GNE: variants seen among roughly 807,000 people sequenced by gnomAD.
GNE encodes bifunctional UDP-N-acetylglucosamine 2-epimerase/N-acetylmannosamine kinase.
In GNE, 41 loss-of-function variants were observed where a neutral mutation model predicts 61.8. The observed-to-expected ratio is 0.66, with a 90% confidence interval of 0.52 to 0.86. The LOEUF (loss-of-function observed/expected upper bound fraction) is 0.86. Ranked by LOEUF, GNE falls within the 40% of genes least tolerant of loss-of-function variation. The probability of loss-of-function intolerance (pLI) is 0.00; values close to 1 mark genes in which losing one functional copy is unlikely to be tolerated. For missense variants in GNE, 608 were observed against 909.1 expected (o/e 0.67, Z 4.26); for synonymous variants, 264 against 326.4 (o/e 0.81, Z 2.06).
intron 1 of GNE, among the ~76,000 whole-genome samples, chr9:36,257,128 C>T (rs1272265119): frequency 6.6e-6 from 1 of 151,988 alleles, no homozygotes; most frequent in Non-Finnish European, 1.5e-5. Context: ...TACTTGAACC[C>T]AAGTTCATCA....
rs775830088 is a variant in GNE, at chr9:36,276,883, G to A, written c.51+11C>T. The A allele has an allele frequency of 1.7e-5, 27 of 1,596,034 alleles. No homozygotes were observed. Among genetic ancestry groups the A allele is most frequent in the East Asian group, 4.5e-5 (2 of 44,208 alleles). On this transcript the variant is annotated intron_variant, in intron 1 of 11. Coordinates refer to the GNE transcript ENST00000396594. The stretch of plus-strand genomic sequence containing the variant: ...CAATAATAAAGCTCTATTGAATTCC[G>A]AATTACTTACATGAGGTCCTTGAAA...
rs1183639077 is a variant in GNE at position 36,246,240 on chromosome 9, C to T, written c.407G>A (p.Gly136Glu). ...MNIRILHIEGGEVSGTIDDSI... is the reference protein window; with the variant it reads ...MNIRILHIEGEEVSGTIDDSI... ...GTCATCAATGGTCCCACTGACTTCCCCACCTTCAATGTGAAGGATTCGGAT... is the reference window on the plus strand; with the variant it reads ...GTCATCAATGGTCCCACTGACTTCCTCACCTTCAATGTGAAGGATTCGGAT... The change falls in exon 3 of 12, where the codon GGG (glycine) becomes GAG (glutamate). Residue 136 changes from glycine to glutamate, a missense_variant. Coordinates refer to ENST00000642385, the MANE Select transcript of GNE (RefSeq NM_005476.7). The T allele has an allele frequency of 6.2e-7, 1 of 1,614,132 alleles. No homozygotes were observed. The highest frequency in any genetic ancestry group is 1.1e-5 in the South Asian group (1 of 91,080).
rs577296238 is a variant in GNE, at chr9:36,218,497, C to T, written c.1817-198G>A. Among the ~76,000 whole-genome samples the T allele has an allele frequency of 6.6e-6, 1 of 152,332 alleles. No individual in the cohort carries two copies. The highest frequency in any genetic ancestry group is 2.1e-4 in the South Asian group (1 of 4,830). On this transcript the variant is annotated intron_variant, in intron 10 of 11. Coordinates refer to ENST00000642385, the MANE Select transcript of GNE (RefSeq NM_005476.7). The surrounding 1 kb of genome is among the most constrained non-coding windows in gnomAD (Gnocchi z 4.1). ...CCTCTTGCTAATTGGTTGTACATAA[C>T]CCAGAACCTATCTTCCTGGAAAAAC...
intron 5 of GNE, among the ~76,000 whole-genome samples, chr9:36,230,738 C>G (rs192283172): frequency 6.6e-6 from 1 of 151,120 alleles, no homozygotes; most frequent in African/African-American, 2.4e-5. Context: ...TGGCTCACTG[C>G]AAGTTCCGCC....
At position 36,267,363 on chromosome 9, in the gene GNE, C is replaced by G. The variant is rs147400874; in HGVS notation, c.51+9531G>C. On this transcript the variant is annotated intron_variant, in intron 1 of 11. Coordinates refer to the GNE transcript ENST00000396594. ...AGAAAGGTACAAATTAACATAATGA[C>G]TTTGTTTTTGTGAAATATTGCCTTT... Among the ~76,000 whole-genome samples the G allele has an allele frequency of 1.1e-4, 16 of 152,274 alleles. No homozygotes were observed. The East Asian group carries it at 3.1e-3, about 29-fold the overall frequency.
chr9:36,234,612 T>C (rs1234242183), intron 4 of GNE, among the ~76,000 whole-genome samples: 2 of 152,116 alleles, frequency 1.3e-5, no homozygotes, highest in Middle Eastern at 3.2e-3. Context: ...AAAATACACA[T>C]AGATTCTGAT....
chr9:36,232,948 A>G (rs1011341448), intron 5 of GNE, among the ~76,000 whole-genome samples: 3 of 152,202 alleles, frequency 2.0e-5, no homozygotes, highest in Admixed American at 6.5e-5. Context: ...CATTTTCTCT[A>G]TGAAGTGGGG....
intron 2 of GNE, among the ~76,000 whole-genome samples, 184 bp downstream of exon 2, chr9:36,249,008 A>G (rs752015934): frequency 2.6e-5 from 4 of 152,218 alleles, no homozygotes; most frequent in African/African-American, 4.8e-5. Flanking sequence ...AATTTACAAT[A>G]TAAGTTTTCA....
At chr9:36,258,725 G>A (rs1036231225), upstream of GNE, among the ~76,000 whole-genome samples, 6 of 152,240 alleles carry the variant, frequency 3.9e-5, no homozygotes, top group Non-Finnish European at 8.8e-5. Flanking sequence ...GGCGACACAC[G>A]CACTGAAGCC....
Position 36,276,905 on chromosome 9 carries a change from G to A in GNE, c.40C>T (p.Gln14Ter). 1 of 1,611,426 alleles carries A rather than the reference G, an allele frequency of 6.2e-7. No homozygotes were observed. The highest frequency in any genetic ancestry group is 1.1e-5 in the South Asian group (1 of 90,750). Reference sequence around the variant, plus strand: ...TCCGAATTACTTACATGAGGTCCTTGAAAGCATGACTCCCTCTGCAGATAA... The same window carrying A: ...TCCGAATTACTTACATGAGGTCCTTAAAAGCATGACTCCCTCTGCAGATAA... Residue 14 changes from glutamine (Q) to a stop codon, truncating the protein, a stop_gained, in exon 1 of 12, where the codon CAA becomes TAA. Transcript: ENST00000396594. LOFTEE classifies it high-confidence loss of function.
At chr9:36,226,247 A>G (rs1442181177) in intron 7 of GNE, among the ~76,000 whole-genome samples, 1 of 151,998 alleles carries the variant, frequency 6.6e-6, no homozygotes, top group Non-Finnish European at 1.5e-5. Flanking sequence ...ATCTTGGCTC[A>G]CTGTAATCTC....
At chr9:36,272,046 C>G (rs1219244888) in intron 1 of GNE, among the ~76,000 whole-genome samples, 1 of 152,206 alleles carries the variant, frequency 6.6e-6, no homozygotes, top group African/African-American at 2.4e-5. Flanking sequence ...CCTCCACCAT[C>G]TAGGCTCACG....
At position 36,217,379 on chromosome 9, in the gene GNE, G is replaced by A. The variant is rs752430781; in HGVS notation, c.2155C>T (p.Arg719Cys). The change falls in exon 12 of 12, where the codon CGC becomes TGC. Residue 719 changes from arginine (R) to cysteine (C), a missense_variant. Arg to Cys is a radical substitution (Grantham distance 180). Transcript: ENST00000642385. ...AASMVLDYTTRRIY is the reference protein window; with the variant it reads ...AASMVLDYTTCRIY ...TTCCTGGAGGTCTAGTAGATCCTGC[G>A]TGTTGTGTAGTCCAGAACCATGCTG... 4 of 1,611,480 alleles carry A rather than the reference G, an allele frequency of 2.5e-6. No individual in the cohort carries two copies. Among genetic ancestry groups the A allele is most frequent in the Non-Finnish European group, 2.5e-6 (3 of 1,177,788 alleles).
intron 1 of GNE, chr9:36,265,386 G>A (rs1267548664): frequency 2.2e-6 from 1 of 456,348 alleles, no homozygotes; most frequent in South Asian, 1.5e-5. Context: ...AAGGACCCCC[G>A]GTAACATTGT....
At chr9:36,250,579 C>T (rs1830074276) in intron 1 of GNE, among the ~76,000 whole-genome samples, 1 of 152,172 alleles carries the variant, frequency 6.6e-6, no homozygotes, top group Non-Finnish European at 1.5e-5. Flanking sequence ...AAATCTATCT[C>T]CTCCTCTTCA....
intron 3 of GNE, among the ~76,000 whole-genome samples, chr9:36,245,278 A>T (rs898639663): frequency 3.3e-5 from 5 of 152,116 alleles, no homozygotes; most frequent in African/African-American, 9.7e-5. Flanking sequence ...AACAAAAAAA[A>T]AATTCAGAAA....
chr9:36,242,022 G>T (rs1411456117), intron 3 of GNE, among the ~76,000 whole-genome samples: 1 of 152,068 alleles, frequency 6.6e-6, no homozygotes, highest in African/African-American at 2.4e-5. Flanking sequence ...TGTAGTCCCA[G>T]CTACTCAGGA....
At chr9:36,272,071 A>G (rs926018190) in intron 1 of GNE, among the ~76,000 whole-genome samples, 4 of 152,166 alleles carry the variant, frequency 2.6e-5, no homozygotes, top group Non-Finnish European at 5.9e-5. Flanking sequence ...TAGTAACACA[A>G]CACTCTTGCT....
At position 36,268,959 on chromosome 9, in the gene GNE, A is replaced by G. The variant is rs924488320; in HGVS notation, c.51+7935T>C. On this transcript the variant is annotated intron_variant, in intron 1 of 11. Transcript: ENST00000396594. Reference sequence around the variant, plus strand: ...AGCCTGGCCAACATGGCGAAACCCTATCTCTACTAAAAATATAAAAATTAG... The same window carrying G: ...AGCCTGGCCAACATGGCGAAACCCTGTCTCTACTAAAAATATAAAAATTAG... Among the ~76,000 whole-genome samples the G allele has an allele frequency of 4.9e-4, 75 of 151,630 alleles. 1 individual carries two copies. The highest frequency in any genetic ancestry group is 1.6e-3 in the African/African-American group (68 of 41,258).
Sources: gnomAD v4.1 joint callset for allele counts (sites outside exome capture counted in the v4.1 genomes callset) on GRCh38, gnomAD v4.1.1 for gene constraint, Gnocchi (gnomAD v3.1) non-coding constraint, MANE v1.5 for transcripts, NCBI Gene and HGNC (gene_info 2026-07-23, HGNC 2026-07-21) for gene names.